FBXW7: variants seen among roughly 807,000 people sequenced by gnomAD.
The protein encoded by FBXW7 is F-box/WD repeat-containing protein 7.
Under a neutral mutation model 86.3 loss-of-function variants are expected in FBXW7, and 11 were observed. The ratio of observed to expected loss-of-function variants is 0.13; its 90% CI spans 0.08 to 0.21. FBXW7 has a LOEUF of 0.21. Among genes scored for constraint, FBXW7 ranks in the 10% least tolerant of loss-of-function variants. The probability of loss-of-function intolerance (pLI) is 1.00; values close to 1 mark genes in which losing one functional copy is unlikely to be tolerated. For missense variants in FBXW7, 488 were observed against 847.4 expected, an observed-to-expected ratio of 0.58 and a Z score of 5.27; for synonymous variants, 313 against 297.9, an observed-to-expected ratio of 1.05 and a Z score of -0.52.
At chr4:152,434,879 C>T (rs1740234385) in intron 2 of FBXW7, among the ~76,000 whole-genome samples, 1 of 151,870 alleles carries the variant, frequency 6.6e-6, no homozygotes, top group South Asian at 2.1e-4. Flanking sequence ...TTTTATCCTA[C>T]AGAACAGTGG....
chr4:152,445,751 T>C lies in FBXW7; in HGVS notation c.-119-33222A>G, dbSNP rs1050976853. 3.3e-5 allele frequency among the ~76,000 whole-genome samples: 5 copies of C among 151,440 alleles called. No individual in the cohort carries two copies. In the East Asian group the frequency reaches 9.7e-4, roughly 29 times the overall value. On this transcript the variant is annotated intron_variant, in intron 2 of 13. Transcript: ENST00000281708. Reference sequence around the variant, plus strand: ...GGCAGAACCCCATCTCTATTAAACATACAAAAAAATTAGCTGGGTGTGGTG... The same window carrying C: ...GGCAGAACCCCATCTCTATTAAACACACAAAAAAATTAGCTGGGTGTGGTG...
intron 2 of FBXW7, among the ~76,000 whole-genome samples, chr4:152,449,641 C>T (rs1484063402): frequency 6.6e-6 from 1 of 152,176 alleles, no homozygotes; most frequent in Non-Finnish European, 1.5e-5. Flanking sequence ...TGAATTTTCT[C>T]CCACTTACTT....
chr4:152,436,710 T>C (rs76821506), intron 2 of FBXW7, among the ~76,000 whole-genome samples: 2,083 of 152,332 alleles, frequency 0.014, 26 homozygotes, highest in Middle Eastern at 0.037. Flanking sequence ...CAGTGCTCAT[T>C]TACCATTCCA....
intron 4 of FBXW7, among the ~76,000 whole-genome samples, chr4:152,408,533 C>G (rs1737638340): frequency 6.6e-6 from 1 of 152,176 alleles, no homozygotes; most frequent in Non-Finnish European, 1.5e-5. Context: ...TTCCTGATTA[C>G]TTTAGCCTTG....
chr4:152,392,607 T>C (rs1736092585), intron 4 of FBXW7, among the ~76,000 whole-genome samples: 1 of 152,094 alleles, frequency 6.6e-6, no homozygotes, highest in Non-Finnish European at 1.5e-5. Context: ...ATAAGAACAA[T>C]GAGAAATAAT....
chr4:152,364,892 G>A (rs1733322996), intron 4 of FBXW7, among the ~76,000 whole-genome samples: 1 of 152,072 alleles, frequency 6.6e-6, no homozygotes, highest in Non-Finnish European at 1.5e-5. Context: ...GATTTACATG[G>A]TTATTTCAGT....
intron 4 of FBXW7, among the ~76,000 whole-genome samples, chr4:152,393,356 T>C (rs958014952): frequency 2.6e-5 from 4 of 152,112 alleles, no homozygotes; most frequent in African/African-American, 9.7e-5. Context: ...AGCACAAAAA[T>C]ATAATTAAAA....
At chr4:152,504,640 C>T (rs150100446) in intron 2 of FBXW7, among the ~76,000 whole-genome samples, 13 of 152,102 alleles carry the variant, frequency 8.5e-5, no homozygotes, top group East Asian at 5.8e-4. Flanking sequence ...ATTCAGGTAG[C>T]GAAATACTTA....
intron 2 of FBXW7, among the ~76,000 whole-genome samples, chr4:152,527,835 G>T (rs962776460): frequency 6.7e-6 from 1 of 148,696 alleles, no homozygotes; most frequent in Non-Finnish European, 1.5e-5. Flanking sequence ...GACTAGATCA[G>T]GAATTTTTGT....
chr4:152,376,119 G>C (rs1488406704), intron 4 of FBXW7, among the ~76,000 whole-genome samples: 1 of 151,876 alleles, frequency 6.6e-6, no homozygotes, highest in Non-Finnish European at 1.5e-5. Flanking sequence ...TAATAATTTA[G>C]GACACTGTAA....
intron 2 of FBXW7, among the ~76,000 whole-genome samples, chr4:152,474,814 C>T (rs182006508): frequency 1.5e-3 from 221 of 152,232 alleles, no homozygotes; most frequent in African/African-American, 4.6e-3. Flanking sequence ...TACAGGCGCA[C>T]GCCACCACTC....
At chr4:152,470,008 A>T (rs1017187113) in intron 2 of FBXW7, among the ~76,000 whole-genome samples, 40 of 152,184 alleles carry the variant, frequency 2.6e-4, no homozygotes, top group African/African-American at 9.4e-4. Context: ...AAAATTTTTT[A>T]AAAAAGAAGA....
rs1468622038 is a variant in FBXW7 at position 152,326,048 on chromosome 4, T to C, written c.1602A>G (p.Leu534=). ...KVWDPETETC[L]HTLQGHTNRV... ...TATTAGTATGCCCCTGCAACGTGTG[T>C]AGACAGGTTTCAGTCTCTGGATCCC... is the stretch of plus-strand genomic sequence containing the variant. The change falls in exon 12 of 14, where the codon CTA becomes CTG. Residue 534 remains leucine, a synonymous_variant. Transcript: ENST00000281708. 6.2e-7 allele frequency: 1 copy of C among 1,613,296 alleles called. No homozygotes were observed.
chr4:152,492,376 T>C (rs1047799294), intron 2 of FBXW7, among the ~76,000 whole-genome samples: 6 of 152,182 alleles, frequency 3.9e-5, no homozygotes, highest in African/African-American at 1.4e-4. Flanking sequence ...TGGACATGTT[T>C]TCATTCCTTT....
intron 4 of FBXW7, among the ~76,000 whole-genome samples, chr4:152,397,860 C>T (rs1001696962): frequency 2.0e-5 from 3 of 151,802 alleles, no homozygotes; most frequent in Non-Finnish European, 2.9e-5. Context: ...AGAGATAATT[C>T]TTTTCTCACA....
At chr4:152,361,343 C>CAT (rs1391242180) in intron 4 of FBXW7, among the ~76,000 whole-genome samples, 1 of 151,856 alleles carries the variant, frequency 6.6e-6, no homozygotes, top group African/African-American at 2.4e-5. Flanking sequence ...TTCCTATATA[C>CAT]ATATATATAC....
rs566325008 is a variant in FBXW7, at chr4:152,457,517, G to A, written c.-119-44988C>T. Among the ~76,000 whole-genome samples the A allele has an allele frequency of 1.5e-4, 23 of 151,954 alleles. No individual in the cohort carries two copies. In the South Asian group the frequency reaches 2.3e-3, roughly 15 times the overall value. ...AAATTAGCTGGGCGTGGTGGCAGGC[G>A]CCTGTAGTCCCAGCTACTTGGGAGG... On this transcript the variant is annotated intron_variant, in intron 2 of 13. Transcript: ENST00000281708.
intron 2 of FBXW7, among the ~76,000 whole-genome samples, chr4:152,532,607 A>G (rs115548095): frequency 1.6e-3 from 249 of 152,318 alleles, no homozygotes; most frequent in African/African-American, 5.7e-3. Context: ...TTTTCTTCCT[A>G]AAAGAAACCT....
chr4:152,436,814 T>C (rs986305908), intron 2 of FBXW7, among the ~76,000 whole-genome samples: 3 of 152,220 alleles, frequency 2.0e-5, no homozygotes, highest in African/African-American at 7.2e-5. Flanking sequence ...CATCCATTTA[T>C]TGCAAGACTT....
Sources: gnomAD v4.1 joint callset for allele counts (sites outside exome capture counted in the v4.1 genomes callset) on GRCh38, gnomAD v4.1.1 for gene constraint, MANE v1.5 for transcripts, NCBI Gene and HGNC (gene_info 2026-07-23, HGNC 2026-07-21) for gene names.